NHEJ1: variants seen among roughly 807,000 people sequenced by gnomAD.
NHEJ1 encodes non-homologous end-joining factor 1.
NHEJ1 carries 22 observed loss-of-function variants against 39.4 expected under a neutral mutation model. That is an observed-to-expected ratio of 0.56 (90% CI 0.40 to 0.80). The LOEUF is 0.80. Among genes scored for constraint, NHEJ1 ranks in the 30% least tolerant of loss-of-function variants. The probability of loss-of-function intolerance (pLI) is 0.00; values close to 1 mark genes in which losing one functional copy is unlikely to be tolerated. For synonymous variants in NHEJ1, 154 were observed against 135.6 expected (o/e 1.14, Z -0.94); for missense variants, 329 against 357.1 (o/e 0.92, Z 0.63).
At chr2:219,085,552 TG>T (rs1469626978) in intron 5 of NHEJ1, among the ~76,000 whole-genome samples, 1 of 152,240 alleles carries the variant, frequency 6.6e-6, no homozygotes, top group Non-Finnish European at 1.5e-5. Context: ...AGGTCTTCCC[TG>T]ATCATTCTGC....
intron 5 of NHEJ1, among the ~76,000 whole-genome samples, chr2:219,088,873 C>T (rs547112749): frequency 2.0e-5 from 3 of 152,246 alleles, no homozygotes; most frequent in South Asian, 4.2e-4. Flanking sequence ...AGTGCGGTGG[C>T]GTGATCTCAG....
chr2:219,128,137 G>A (rs926384839), intron 5 of NHEJ1, among the ~76,000 whole-genome samples: 1 of 152,224 alleles, frequency 6.6e-6, no homozygotes. Flanking sequence ...GCAAACTGGT[G>A]AGTGCTGGTC....
At chr2:219,136,975 T>G (rs1004849622) in intron 5 of NHEJ1, among the ~76,000 whole-genome samples, 3 of 151,866 alleles carry the variant, frequency 2.0e-5, no homozygotes, top group African/African-American at 7.3e-5. Context: ...AAAAAATTAC[T>G]TTAAAATTTT....
rs199912938 is a variant in NHEJ1, at chr2:219,076,933, A to AGATT, written c.825+309_825+312dup. 2.1e-3 allele frequency among the ~76,000 whole-genome samples: 317 copies of AGATT among 152,296 alleles called. 5 individuals are homozygous for AGATT. The East Asian group carries it at 0.058, about 28-fold the overall frequency. ...ATATAAGACCCTAAGCAGGAGATGT[A>AGATT]GATTCCCTTCTCCCCCAAGGAATAG... On this transcript the variant is annotated intron_variant, in intron 7 of 7. Coordinates refer to ENST00000356853, the MANE Select transcript of NHEJ1 (RefSeq NM_024782.3).
chr2:219,148,580 A>T (rs780370800), intron 3 of NHEJ1, among the ~76,000 whole-genome samples: 1 of 152,196 alleles, frequency 6.6e-6, no homozygotes, highest in Non-Finnish European at 1.5e-5. Context: ...AAGAAAACAA[A>T]CAAACAAATG....
chr2:219,080,573 T>TTA (rs1442350391), intron 5 of NHEJ1, among the ~76,000 whole-genome samples: 2 of 118,696 alleles, frequency 1.7e-5, no homozygotes, highest in East Asian at 2.1e-4. Flanking sequence ...ATATATGCTT[T>TTA]TATATATATA....
In NHEJ1 at chr2:219,074,308, T is replaced by C. The variant is rs984313700; in HGVS notation, c.*2073A>G. Among the ~76,000 whole-genome samples, 2 of 152,314 alleles carry C rather than the reference T, an allele frequency of 1.3e-5. No individual in the cohort carries two copies. The highest frequency in any genetic ancestry group is 1.9e-4 in the East Asian group (1 of 5,188). The stretch of plus-strand genomic sequence containing the variant: ...CCTCTGGCCCCGCTGTGATGAAAAA[T>C]GTCTTGAGTCTGTGCTGTTACAGTA... On this transcript the variant is annotated 3_prime_UTR_variant, in exon 8 of 8. Transcript: ENST00000356853.
intron 4 of NHEJ1, among the ~76,000 whole-genome samples, chr2:219,147,288 TGAC>T (rs1949750129): frequency 6.6e-6 from 1 of 152,156 alleles, no homozygotes; most frequent in Non-Finnish European, 1.5e-5. Context: ...GAGACCAGCC[TGAC>T]CAACATGGTG....
chr2:219,081,030 C>G (rs1016110320), intron 5 of NHEJ1, among the ~76,000 whole-genome samples: 2 of 152,160 alleles, frequency 1.3e-5, no homozygotes, highest in Non-Finnish European at 2.9e-5. Context: ...GGATCACAAC[C>G]TGCAATCCTT....
At chr2:219,082,686 T>A (rs1949077514) in intron 5 of NHEJ1, among the ~76,000 whole-genome samples, 1 of 152,198 alleles carries the variant, frequency 6.6e-6, no homozygotes, top group Non-Finnish European at 1.5e-5. Flanking sequence ...TTTGAGCATG[T>A]CTTTGGTTCT....
At position 219,071,735 on chromosome 2, in the gene NHEJ1, T is replaced by A. The variant is rs1948958965; in HGVS notation, c.*4646A>T. ...CTTCCCAGGTGAGTCAATGGCTGTG[T>A]GCTCCCCACACCCTGGAGCTCTTCC... On this transcript the variant is annotated 3_prime_UTR_variant, in exon 8 of 8. Transcript: ENST00000356853. 6.6e-6 allele frequency among the ~76,000 whole-genome samples: 1 copy of A among 152,300 alleles called. No homozygotes were observed. Among genetic ancestry groups the A allele is most frequent in the African/African-American group, 2.4e-5 (1 of 41,570 alleles).
At chr2:219,098,574 T>C (rs939220749) in intron 5 of NHEJ1, among the ~76,000 whole-genome samples, 4 of 152,204 alleles carry the variant, frequency 2.6e-5, no homozygotes, top group Non-Finnish European at 2.9e-5. Context: ...AGTTCATTTC[T>C]GACTGATTCT....
At chr2:219,121,499 T>C (rs1949470989) in intron 5 of NHEJ1, among the ~76,000 whole-genome samples, 1 of 152,198 alleles carries the variant, frequency 6.6e-6, no homozygotes, top group African/African-American at 2.4e-5. Context: ...GTTCTGATTT[T>C]TTCTATGGGC....
At chr2:219,153,671 C>T (rs1273338993) in intron 3 of NHEJ1, among the ~76,000 whole-genome samples, 1 of 107,196 alleles carries the variant, frequency 9.3e-6, no homozygotes, top group Non-Finnish European at 1.7e-5. Context: ...GAGACTTCAT[C>T]TCAAAAGAAA....
rs528490271 is a variant in NHEJ1, at chr2:219,109,357, T to TA, written c.589-31152dup. ...TCTTTCCTCCCAAGACCACAAAGGA[T>TA]AAAAAAAAAGTTTCCAAATTAAAAA... On this transcript the variant is annotated intron_variant, in intron 5 of 7. Coordinates refer to ENST00000356853, the MANE Select transcript of NHEJ1 (RefSeq NM_024782.3). Among the ~76,000 whole-genome samples the TA allele has an allele frequency of 3.1e-3, 467 of 151,316 alleles. 2 individuals carry two copies. Among genetic ancestry groups the TA allele is most frequent in the Non-Finnish European group, 4.1e-3 (278 of 67,790 alleles).
intron 5 of NHEJ1, among the ~76,000 whole-genome samples, chr2:219,123,146 A>G (rs1949486908): frequency 1.3e-5 from 2 of 152,260 alleles, no homozygotes; most frequent in Admixed American, 1.3e-4. Context: ...ACCTAGTTCA[A>G]TAGCTACAGT....
intron 5 of NHEJ1, among the ~76,000 whole-genome samples, chr2:219,089,221 C>T (rs1425984807): frequency 1.3e-5 from 2 of 152,138 alleles, no homozygotes; most frequent in African/African-American, 2.4e-5. Flanking sequence ...TATGACCCAG[C>T]AATTCTACTC....
At chr2:219,079,687 C>G (rs1173436574) in intron 5 of NHEJ1, among the ~76,000 whole-genome samples, 1 of 152,122 alleles carries the variant, frequency 6.6e-6, no homozygotes, top group Non-Finnish European at 1.5e-5. Context: ...TGAACTGAAA[C>G]AGGGAAGGTA....
chr2:219,159,592 T>TATATATATGC (rs1949907405), intron 1 of NHEJ1, among the ~76,000 whole-genome samples: 4 of 94,022 alleles, frequency 4.3e-5, no homozygotes, highest in Non-Finnish European at 1.0e-4. Flanking sequence ...TATATGCATA[T>TATATATATGC]ATATATATGC....
Sources: allele counts gnomAD v4.1 joint callset (sites outside exome capture counted in the v4.1 genomes callset), GRCh38; gene constraint gnomAD v4.1.1; transcripts MANE v1.5; gene names NCBI Gene and HGNC (gene_info 2026-07-23, HGNC 2026-07-21).